The following ZNF777 variants were observed in gnomAD, a reference collection of about 807,000 sequenced individuals.
ZNF777 encodes zinc finger protein 777.
Under a neutral mutation model 72.1 loss-of-function variants are expected in ZNF777, and 7 were observed. The ratio of observed to expected loss-of-function variants is 0.10; its 90% CI spans 0.06 to 0.18. ZNF777 has a LOEUF of 0.18. Among genes scored for constraint, ZNF777 ranks in the 10% least tolerant of loss-of-function variants. The pLI, the probability that ZNF777 is intolerant of heterozygous loss-of-function variation, is 1.00. For synonymous variants in ZNF777, 545 were observed against 483.5 expected, an observed-to-expected ratio of 1.13 and a Z score of -1.67; for missense variants, 828 against 1,128.6, an observed-to-expected ratio of 0.73 and a Z score of 3.82.
Position 149,460,053 on chromosome 7 carries a change from A to G in ZNF777, c.-16+762T>C. 1.0e-6 allele frequency: 1 copy of G among 978,408 alleles called. No individual in the cohort carries two copies. 60.6% of individuals were successfully genotyped at this position (978,408 alleles called of 1,614,324 possible). ...ACCGAGATCCCAGGCCGGGCCGCCG[A>G]GCCCGGGACACGCAGGCCGTCCCCG... On this transcript the variant is annotated intron_variant, in intron 1 of 5. Coordinates refer to ENST00000247930, the MANE Select transcript of ZNF777 (RefSeq NM_015694.3). This position sits in a 1 kb window ranked among gnomAD's most constrained non-coding sequence, Gnocchi z 6.1.
intron 2 of ZNF777, 55 bp from the exon 3 acceptor site, chr7:149,454,292 C>T (rs1186053830): frequency 7.0e-5 from 113 of 1,606,770 alleles, no homozygotes; most frequent in Non-Finnish European, 8.8e-5. Flanking sequence ...GACAGGCCCA[C>T]GGCTGGCCAA....
chr7:149,436,655 T>C lies in ZNF777; in HGVS notation c.1259A>G (p.Asn420Ser). 6.2e-7 allele frequency: 1 copy of C among 1,614,096 alleles called. No individual in the cohort carries two copies. Among genetic ancestry groups the C allele is most frequent in the South Asian group, 1.1e-5 (1 of 91,084 alleles). Residue 420 changes from asparagine (N) to serine (S), a missense_variant, in exon 5 of 6, where the codon AAC becomes AGC. Around this residue, in one of 12 missense-constraint regions of ZNF777, gnomAD observed 219 missense variants for 223.0 expected, o/e 0.98. Coordinates refer to ENST00000247930, the MANE Select transcript of ZNF777 (RefSeq NM_015694.3). The surrounding 1 kb of genome is among the most constrained non-coding windows in gnomAD (Gnocchi z 5.0). ...GCCTTCCGTGGACTCCTCCAGCGTGTTCTCTGGCTCCTGCATGTCCAGGTC... is the reference window on the plus strand; with the variant it reads ...GCCTTCCGTGGACTCCTCCAGCGTGCTCTCTGGCTCCTGCATGTCCAGGTC... Reference protein sequence around the residue: ...QPDLDMQEPENTLEESTEGSS... With the variant: ...QPDLDMQEPESTLEESTEGSS...
chr7:149,438,623 T>C (rs1799459023), intron 4 of ZNF777, among the ~76,000 whole-genome samples: 2 of 152,134 alleles, frequency 1.3e-5, no homozygotes, highest in African/African-American at 4.8e-5. Flanking sequence ...TTACTTTGTA[T>C]GTTAGAAGGT....
At position 149,443,060 on chromosome 7, in the gene ZNF777, A is replaced by T. The variant is rs566370554; in HGVS notation, c.1088-6234T>A. Among the ~76,000 whole-genome samples, 3 of 152,332 alleles carry T rather than the reference A, an allele frequency of 2.0e-5. No individual in the cohort carries two copies. In the East Asian group the frequency reaches 5.8e-4, roughly 29 times the overall value. Reference sequence around the variant, plus strand: ...CCTTTGACCCAGAAAATCCATTTCTAAATAAATTCCAGACAAGTGCATGAA... The same window carrying T: ...CCTTTGACCCAGAAAATCCATTTCTTAATAAATTCCAGACAAGTGCATGAA... On this transcript the variant is annotated intron_variant, in intron 4 of 5. Transcript: ENST00000247930.
rs1585689141 is a variant in ZNF777, at chr7:149,436,889, C to T, written c.1088-63G>A. The stretch of plus-strand genomic sequence containing the variant: ...ACCCAGAATGTTCATGCCAACTGCC[C>T]AGGTTTCTGCAGCCCTACAATTTAC... On this transcript the variant is annotated intron_variant, in intron 4 of 5. Coordinates refer to ENST00000247930, the MANE Select transcript of ZNF777 (RefSeq NM_015694.3). The surrounding 1 kb of genome is among the most constrained non-coding windows in gnomAD (Gnocchi z 5.0). 2.6e-6 allele frequency: 4 copies of T among 1,549,564 alleles called. No homozygotes were observed. The highest frequency in any genetic ancestry group is 4.5e-5 in the East Asian group (2 of 44,036).
At chr7:149,459,844 C>G in intron 1 of ZNF777, 1 of 984,532 alleles carries the variant, frequency 1.0e-6, no homozygotes, top group South Asian at 4.7e-5. Context: ...CCGCAGGGAG[C>G]GAGCGCGCCT....
chr7:149,460,025 C>T lies in ZNF777; in HGVS notation c.-16+790G>A. ...CGCCAACGTCGTAGCGTTTCTGCCC[C>T]TTACCGAGATCCCAGGCCGGGCCGC... On this transcript the variant is annotated intron_variant, in intron 1 of 5. Coordinates refer to ENST00000247930, the MANE Select transcript of ZNF777 (RefSeq NM_015694.3). The surrounding 1 kb of genome is among the most constrained non-coding windows in gnomAD (Gnocchi z 6.1). 6 of 981,406 alleles carry T rather than the reference C, an allele frequency of 6.1e-6. No homozygotes were observed. In the South Asian group the frequency reaches 2.4e-4, roughly 39 times the overall value. 60.8% of individuals were successfully genotyped at this position (981,406 alleles called of 1,614,324 possible).
chr7:149,433,672 C>T (rs190432449), intron 5 of ZNF777, among the ~76,000 whole-genome samples: 1 of 152,324 alleles, frequency 6.6e-6, no homozygotes, highest in East Asian at 1.9e-4. Flanking sequence ...GGATCAGGAA[C>T]CCAGCCTTTT....
intron 4 of ZNF777, among the ~76,000 whole-genome samples, chr7:149,448,511 A>ATAGTTAT (rs1748359372): frequency 2.2e-5 from 2 of 89,156 alleles, no homozygotes; most frequent in Admixed American, 1.0e-4. Flanking sequence ...ATATATATAT[A>ATAGTTAT]ACTATATATA....
At chr7:149,437,722 T>G (rs1224124652) in intron 4 of ZNF777, among the ~76,000 whole-genome samples, 1 of 151,910 alleles carries the variant, frequency 6.6e-6, no homozygotes, top group Non-Finnish European at 1.5e-5. Context: ...CCCAGGTAAC[T>G]CCTATAATTT....
In ZNF777 at chr7:149,460,684, C is replaced by T. The variant is rs1799932401; in HGVS notation, c.-16+131G>A. The T allele has an allele frequency of 6.6e-6, 1 of 152,172 alleles. No homozygotes were observed. Among genetic ancestry groups the T allele is most frequent in the African/African-American group, 2.4e-5 (1 of 41,442 alleles). The allele number at this position is 152,172 out of a possible 1,614,324, so 9.4% of individuals were successfully genotyped here. On this transcript the variant is annotated intron_variant, in intron 1 of 5. Transcript: ENST00000247930. The surrounding 1 kb of genome is among the most constrained non-coding windows in gnomAD (Gnocchi z 6.1). ...GAACCCAGACAGCTCCATCTACAGC[C>T]GGTAGGAGCGAACAGTGTCGAGCGA... is the stretch of plus-strand genomic sequence containing the variant.
intron 4 of ZNF777, among the ~76,000 whole-genome samples, chr7:149,441,205 T>TA (rs1799508120): frequency 6.6e-6 from 1 of 152,190 alleles, no homozygotes. Flanking sequence ...TTCTCCCATT[T>TA]AAAAAATTAA....
chr7:149,438,587 A>AT (rs1799458620), intron 4 of ZNF777, among the ~76,000 whole-genome samples: 1 of 152,252 alleles, frequency 6.6e-6, no homozygotes, highest in African/African-American at 2.4e-5. Flanking sequence ...TAGACCTTAC[A>AT]TAAGGTGGTA....
At chr7:149,448,485 CT>C (rs1799644424) in intron 4 of ZNF777, among the ~76,000 whole-genome samples, 1 of 104,642 alleles carries the variant, frequency 9.6e-6, no homozygotes, top group African/African-American at 5.2e-5. Context: ...CAAAACAAAA[CT>C]ATATATATAT....
In ZNF777 at chr7:149,431,493, C is replaced by T. The variant is rs1309099050; in HGVS notation, c.*283G>A. 3 of 451,238 alleles carry T rather than the reference C, an allele frequency of 6.6e-6. No homozygotes were observed. The highest frequency in any genetic ancestry group is 8.9e-6 in the Non-Finnish European group (2 of 225,342). The allele number at this position is 451,238 out of a possible 1,614,324, so 28.0% of individuals were successfully genotyped here. A position where few individuals can be genotyped will look rare whatever the true frequency, so the allele number is the denominator to read the frequency against. On this transcript the variant is annotated 3_prime_UTR_variant, in exon 6 of 6. Transcript: ENST00000247930. ...TGGCCGGCGGCCAAATCACGCCCCC[C>T]GTGCTGATTGGTTTCATCCATTTTA...
chr7:149,456,544 G>C (rs559990556), intron 1 of ZNF777, among the ~76,000 whole-genome samples: 1 of 152,276 alleles, frequency 6.6e-6, no homozygotes, highest in Admixed American at 6.5e-5. Context: ...TTTTGTAAAA[G>C]CCAAGCACTT....
intron 4 of ZNF777, among the ~76,000 whole-genome samples, chr7:149,447,888 G>A (rs144335419): frequency 1.3e-5 from 2 of 152,258 alleles, no homozygotes; most frequent in African/African-American, 4.8e-5. Flanking sequence ...GGTTGTTAAT[G>A]TCAGTCGCTC....
In ZNF777 at chr7:149,455,951, A is replaced by C. The variant is rs1799821330; in HGVS notation, c.72T>G (p.Pro24=). Residue 24 remains proline (P), a synonymous_variant, in exon 2 of 6, where the codon CCT becomes CCG. Transcript: ENST00000247930. This position sits in a 1 kb window ranked among gnomAD's most constrained non-coding sequence, Gnocchi z 4.2. ...VPQEETLRQA[P]AGLPRETLFQ... is the part of the protein sequence containing the mutation. ...ACAGAGTTTCTCGGGGGAGTCCAGC[A>C]GGGGCCTGACGTAAGGTTTCTTCTT... is the stretch of plus-strand genomic sequence containing the variant. 6.2e-7 allele frequency: 1 copy of C among 1,613,394 alleles called. No homozygotes were observed. The highest frequency in any genetic ancestry group is 8.5e-7 in the Non-Finnish European group (1 of 1,179,766).
chr7:149,451,792 ATAAAGT>A (rs1183120856), intron 3 of ZNF777, among the ~76,000 whole-genome samples: 5 of 152,370 alleles, frequency 3.3e-5, no homozygotes, highest in African/African-American at 1.2e-4. Flanking sequence ...TTCTTTGGAA[ATAAAGT>A]TAAAAGATGA....
Sources: gnomAD v4.1 joint callset for allele counts (sites outside exome capture counted in the v4.1 genomes callset) on GRCh38, gnomAD v4.1.1 for gene constraint, gnomAD v4.1.1 regional missense constraint, Gnocchi (gnomAD v3.1) non-coding constraint, MANE v1.5 for transcripts, NCBI Gene and HGNC (gene_info 2026-07-23, HGNC 2026-07-21) for gene names.